The following GASK1A variants were observed in gnomAD, a reference collection of about 807,000 sequenced individuals.
The protein encoded by GASK1A is golgi associated kinase 1A, also known as Golgi-associated kinase 1A.
In GASK1A, 40 loss-of-function variants were observed where a neutral mutation model predicts 41.2. That is an observed-to-expected ratio of 0.97 (90% CI 0.75 to 1.27). The LOEUF (loss-of-function observed/expected upper bound fraction) is 1.27, where lower values mean the gene tolerates loss of function less well. GASK1A is among the 50% of genes most tolerant of loss of function. GASK1A has a pLI of 0.00. For synonymous variants in GASK1A, 316 were observed against 307.1 expected, an observed-to-expected ratio of 1.03 and a Z score of -0.30; for missense variants, 678 against 745.1, an observed-to-expected ratio of 0.91 and a Z score of 1.05.
intron 3 of GASK1A, 73 bp from the exon 4 acceptor site, chr3:43,055,359 T>C: frequency 9.0e-7 from 1 of 1,113,734 alleles, no homozygotes; most frequent in Non-Finnish European, 1.3e-6. Flanking sequence ...CCCTTAATCT[T>C]GACCAAGTCC....
At position 43,052,287 on chromosome 3, in the gene GASK1A, C is replaced by T. The variant is rs114086369; in HGVS notation, c.1291-1234C>T. Among the ~76,000 whole-genome samples, 31 of 152,304 alleles carry T rather than the reference C, an allele frequency of 2.0e-4. 1 individual carries two copies. Among genetic ancestry groups the T allele is most frequent in the African/African-American group, 6.3e-4 (26 of 41,550 alleles). The stretch of plus-strand genomic sequence containing the variant: ...GCATCCACCAAACATTTCACAAGGG[C>T]GGCAGCTTCACTGAAGGACAGAGAA... On this transcript the variant is annotated intron_variant, in intron 2 of 4. Coordinates refer to ENST00000430121, the MANE Select transcript of GASK1A (RefSeq NM_001129908.3).
At chr3:43,018,082 G>A (rs1012165303) in intron 1 of GASK1A, among the ~76,000 whole-genome samples, 29 of 152,178 alleles carry the variant, frequency 1.9e-4, no homozygotes, top group African/African-American at 6.3e-4. Flanking sequence ...GTGAAGTTAC[G>A]GGAAGTTGTT....
chr3:43,005,255 T>A (rs1362503145), intron 1 of GASK1A, among the ~76,000 whole-genome samples: 1 of 152,242 alleles, frequency 6.6e-6, no homozygotes, highest in Non-Finnish European at 1.5e-5. Flanking sequence ...GATTAGGACA[T>A]GGATATCTTA....
intron 2 of GASK1A, among the ~76,000 whole-genome samples, chr3:43,044,474 G>A (rs1010562322): frequency 3.3e-5 from 5 of 152,222 alleles, no homozygotes; most frequent in East Asian, 1.9e-4. Flanking sequence ...CATAACAACC[G>A]CCTCCTGCTT....
chr3:43,051,300 G>T (rs915495204), intron 2 of GASK1A, among the ~76,000 whole-genome samples: 1 of 152,156 alleles, frequency 6.6e-6, no homozygotes, highest in African/African-American at 2.4e-5. Context: ...AGTTAGTTCA[G>T]TGATCAGCTG....
At chr3:42,998,752 C>G (rs1022462241) in intron 1 of GASK1A, among the ~76,000 whole-genome samples, 1 of 152,190 alleles carries the variant, frequency 6.6e-6, no homozygotes, top group Non-Finnish European at 1.5e-5. Context: ...TCCCTGTGAC[C>G]TTAGGTGCTA....
At chr3:42,991,670 G>T (rs1016449800) in intron 1 of GASK1A, among the ~76,000 whole-genome samples, 3 of 152,240 alleles carry the variant, frequency 2.0e-5, no homozygotes, top group African/African-American at 7.2e-5. Context: ...CCCAGCGGAG[G>T]TGGAGGCTGC....
At chr3:43,007,397 CT>C (rs1368917690) in intron 1 of GASK1A, among the ~76,000 whole-genome samples, 3 of 152,218 alleles carry the variant, frequency 2.0e-5, no homozygotes, top group Admixed American at 2.0e-4. Flanking sequence ...ATAGAACAAA[CT>C]TTCAGTCTTC....
rs897547357 is a variant in GASK1A, at chr3:43,004,681, G to A, written c.3+25036G>A. Among the ~76,000 whole-genome samples, 4 of 152,258 alleles carry A rather than the reference G, an allele frequency of 2.6e-5. No homozygotes were observed. In the South Asian group the frequency reaches 6.2e-4, roughly 24 times the overall value. The stretch of plus-strand genomic sequence containing the variant: ...CTTTCACCACGTTTCCCCATCTCCA[G>A]TACAGACACATTATTCTCATCCATC... On this transcript the variant is annotated intron_variant, in intron 1 of 4. Transcript: ENST00000430121.
chr3:42,986,793 C>A (rs1261527374), intron 1 of GASK1A, among the ~76,000 whole-genome samples: 1 of 152,084 alleles, frequency 6.6e-6, no homozygotes, highest in Non-Finnish European at 1.5e-5. Context: ...GGATTGTGAT[C>A]CTGGGGGCCA....
At chr3:43,055,375 T>C (rs1231515046) in intron 3 of GASK1A, 57 bp from the exon 4 acceptor site, 1 of 1,279,640 alleles carries the variant, frequency 7.8e-7, no homozygotes, top group African/African-American at 1.5e-5. Context: ...AGTCCATAGG[T>C]GCCAGCCGTA....
At chr3:43,055,947 AG>A (rs2125693675) in intron 4 of GASK1A, 1 of 537,626 alleles carries the variant, frequency 1.9e-6, no homozygotes, top group South Asian at 2.4e-5. Context: ...GCTTCTCTGT[AG>A]GATGGGACCC....
In GASK1A at chr3:43,032,833, G is replaced by T; in HGVS notation, c.570G>T (p.Gly190=). ...TACCGGCTTGGAGAGCTACTTCTGG[G>T]CTGACACTCTGGCCCCATACAGCAG... ...AALPAWRATS[G]LTLWPHTAEG... The change falls in exon 2 of 5, where the codon GGG becomes GGT. Residue 190 remains glycine (G), a synonymous_variant. Coordinates refer to ENST00000430121, the MANE Select transcript of GASK1A (RefSeq NM_001129908.3). 6.5e-7 allele frequency: 1 copy of T among 1,548,652 alleles called. No homozygotes were observed. The highest frequency in any genetic ancestry group is 2.4e-5 in the East Asian group (1 of 40,908).
At chr3:43,025,252 A>G (rs2089541367) in intron 1 of GASK1A, among the ~76,000 whole-genome samples, 1 of 152,128 alleles carries the variant, frequency 6.6e-6, no homozygotes, top group Admixed American at 6.5e-5. Context: ...TCTAATGAGA[A>G]ACGGATTGGT....
chr3:42,988,596 A>G (rs1489179927), intron 1 of GASK1A, among the ~76,000 whole-genome samples: 1 of 152,242 alleles, frequency 6.6e-6, no homozygotes, highest in Non-Finnish European at 1.5e-5. Context: ...CTCTGTGGAG[A>G]ACCTTCACGT....
intron 1 of GASK1A, among the ~76,000 whole-genome samples, chr3:42,980,466 C>T (rs910297105): frequency 1.3e-5 from 2 of 152,242 alleles, no homozygotes; most frequent in African/African-American, 4.8e-5. Context: ...CACTGGGCTC[C>T]CCTGGCTGCT....
intron 1 of GASK1A, 46 bp from the exon 2 acceptor site, chr3:43,032,221 A>T: frequency 7.1e-7 from 1 of 1,411,146 alleles, no homozygotes; most frequent in African/African-American, 1.4e-5. Context: ...GGTTGAGCTG[A>T]TGTATTTCCC....
rs115842039 is a variant in GASK1A at position 43,032,667 on chromosome 3, T to C, written c.404T>C (p.Val135Ala). ...CATCCAAGACTCAGTACTCAGCATG[T>C]TGTGCTCCTGAGGGAGGATGAGGTT... Reference protein sequence around the residue: ...SGHPRLSTQHVVLLREDEVGD... With the variant: ...SGHPRLSTQHAVLLREDEVGD... Residue 135 changes from valine (V) to alanine (A), a missense_variant, in exon 2 of 5, where the codon GTT (valine) becomes GCT (alanine). Coordinates refer to ENST00000430121, the MANE Select transcript of GASK1A (RefSeq NM_001129908.3). The C allele has an allele frequency of 7.0e-4, 1,092 of 1,551,696 alleles. 5 individuals are homozygous for C. The African/African-American group carries it at 0.014, about 20-fold the overall frequency.
At position 43,033,654 on chromosome 3, in the gene GASK1A, C is replaced by G. The variant is rs1359305294; in HGVS notation, c.1290+101C>G. ...CCTGAGGTTAGATGGTGACTCTCCC[C>G]CAAGTCTTGGTTTTTTGACCACCAA... On this transcript the variant is annotated intron_variant, in intron 2 of 4. Coordinates refer to ENST00000430121, the MANE Select transcript of GASK1A (RefSeq NM_001129908.3). 3.5e-6 allele frequency: 4 copies of G among 1,150,854 alleles called. No individual in the cohort carries two copies. The South Asian group carries it at 7.9e-5, about 23-fold the overall frequency. 71.3% of individuals were successfully genotyped at this position (1,150,854 alleles called of 1,614,324 possible). A position where few individuals can be genotyped will look rare whatever the true frequency, so the allele number is the denominator to read the frequency against.
Sources: gnomAD v4.1 joint callset for allele counts (sites outside exome capture counted in the v4.1 genomes callset) on GRCh38, gnomAD v4.1.1 for gene constraint, MANE v1.5 for transcripts, NCBI Gene and HGNC (gene_info 2026-07-23, HGNC 2026-07-21) for gene names.